OR8B2: variants seen among roughly 807,000 people sequenced by gnomAD.
OR8B2 encodes olfactory receptor family 8 subfamily B member 2.
For synonymous variants in OR8B2, 98 were observed against 138.2 expected (o/e 0.71, Z 2.04); for missense variants, 304 against 379.6 (o/e 0.80, Z 1.65).
At chr11:124,386,617 A>G (rs1261441201), upstream of OR8B2, among the ~76,000 whole-genome samples, 1 of 151,460 alleles carries the variant, frequency 6.6e-6, no homozygotes. Context: ...GTAGTATTCC[A>G]TGGTGTACAC....
chr11:124,385,068 A>C (rs1463390823), upstream of OR8B2, among the ~76,000 whole-genome samples: 1 of 152,186 alleles, frequency 6.6e-6, no homozygotes, highest in African/African-American at 2.4e-5. Context: ...GGATACTTTT[A>C]ATTGATTTCA....
At position 124,382,624 on chromosome 11, in the gene OR8B2, A is replaced by G; in HGVS notation, c.720T>C (p.Thr240=). ...STQGRSKAFS[T]CSSHVIALSL... is the part of the protein sequence containing the mutation. ...ACAGAGCAATGACATGAGAGCTACA[A>G]GTACTGAAGGCTTTTGATCTTCCTT... The change falls in exon 2 of 2, where the codon ACT becomes ACC. Residue 240 remains threonine, a synonymous_variant. Coordinates refer to ENST00000641451, the MANE Select transcript of OR8B2 (RefSeq NM_001005468.2). 6.2e-7 allele frequency: 1 copy of G among 1,612,040 alleles called. No individual in the cohort carries two copies. Among genetic ancestry groups the G allele is most frequent in the Non-Finnish European group, 8.5e-7 (1 of 1,178,932 alleles).
chr11:124,396,977 G>A, the OR8B2 span: 1 of 1,613,556 alleles, frequency 6.2e-7, no homozygotes, highest in Non-Finnish European at 8.5e-7. Flanking sequence ...GATTACAGAT[G>A]GCCACATAGC....
At chr11:124,389,015 G>A (rs1049212910), upstream of OR8B2, among the ~76,000 whole-genome samples, 3 of 151,694 alleles carry the variant, frequency 2.0e-5, no homozygotes, top group Non-Finnish European at 2.9e-5. Context: ...TAGTAGAGAC[G>A]GGGTTTCACC....
At position 124,382,969 on chromosome 11, in the gene OR8B2, G is replaced by A. The variant is rs770149289; in HGVS notation, c.375C>T (p.Ala125=). The change falls in exon 2 of 2, where the codon GCC becomes GCT. Residue 125 remains alanine (A), a synonymous_variant. Transcript: ENST00000641451. ...CCTTATACAGCAATGGATTACAGAT[G>A]GCCACATAGCGATCATATGCCATTG... ...LTSMAYDRYV[A]ICNPLLYKVT... The A allele has an allele frequency of 1.9e-6, 3 of 1,611,562 alleles. No individual in the cohort carries two copies. The highest frequency in any genetic ancestry group is 1.7e-5 in the Admixed American group (1 of 59,870).
chr11:124,392,296 G>T, the OR8B2 span, among the ~76,000 whole-genome samples: 20 of 125,324 alleles, frequency 1.6e-4, no homozygotes, highest in Middle Eastern at 3.8e-3. Flanking sequence ...TAAAGGGTAT[G>T]CAATTAGGAA....
upstream of OR8B2, among the ~76,000 whole-genome samples, chr11:124,386,042 G>A (rs564767885): frequency 2.0e-5 from 3 of 152,226 alleles, no homozygotes; most frequent in South Asian, 2.1e-4. Context: ...TGGAGACTGT[G>A]TGTAAATCAG....
chr11:124,385,588 G>T (rs1418944684), upstream of OR8B2, among the ~76,000 whole-genome samples: 3 of 150,366 alleles, frequency 2.0e-5, no homozygotes, highest in Non-Finnish European at 3.0e-5. Context: ...AAAAACCTAA[G>T]TCAGGATACA....
chr11:124,394,276 TAAATA>T, the OR8B2 span, among the ~76,000 whole-genome samples: 1 of 150,832 alleles, frequency 6.6e-6, no homozygotes, highest in South Asian at 2.1e-4. Flanking sequence ...AATAAATAAA[TAAATA>T]AATAAATAAA....
chr11:124,387,340 A>G (rs1217599845), upstream of OR8B2, among the ~76,000 whole-genome samples: 2 of 152,204 alleles, frequency 1.3e-5, no homozygotes, highest in African/African-American at 2.4e-5. Flanking sequence ...GCCCATGCCT[A>G]TGTCCTGAAT....
chr11:124,389,205 C>T (rs182775893), upstream of OR8B2, among the ~76,000 whole-genome samples: 1 of 152,196 alleles, frequency 6.6e-6, no homozygotes, highest in African/African-American at 2.4e-5. Context: ...TATAAGAAAT[C>T]CAAAACTAAG....
the OR8B2 span, chr11:124,396,278 A>G: frequency 1.2e-6 from 1 of 860,414 alleles, no homozygotes. Context: ...AGATGATTTC[A>G]TAAGAGAAAT....
At chr11:124,388,981 AC>A (rs1290387591), upstream of OR8B2, among the ~76,000 whole-genome samples, 1 of 151,898 alleles carries the variant, frequency 6.6e-6, no homozygotes, top group Non-Finnish European at 1.5e-5. Context: ...GCGTGCCGCC[AC>A]GCCTGGCTAA....
In OR8B2 at chr11:124,382,640, G is replaced by T; in HGVS notation, c.704C>A (p.Ser235Ter). The change falls in exon 2 of 2, where the codon TCA (serine) becomes TAA (stop). Residue 235 changes from serine to a stop codon, truncating the protein, a stop_gained. Transcript: ENST00000641451. LOFTEE classifies it low-confidence loss of function (END_TRUNC). Reference protein sequence around the residue: ...ILHIKSTQGRSKAFSTCSSHV... With the variant: ...ILHIKSTQGR ...AGAGCTACAAGTACTGAAGGCTTTT[G>T]ATCTTCCTTGAGTGGATTTGATATG... The T allele has an allele frequency of 6.2e-7, 1 of 1,611,676 alleles. No individual in the cohort carries two copies. The highest frequency in any genetic ancestry group is 1.7e-5 in the Admixed American group (1 of 59,670).
rs1302576001 is a variant in OR8B2 at position 124,383,441 on chromosome 11, G to A, written c.-17-81C>T. ...CATTAATGAGGAGGGGACTCAGGCT[G>A]TAGGAATTTGGGTGAGTTCTTTGTT... On this transcript the variant is annotated intron_variant, in intron 1 of 1. Transcript: ENST00000641451. 39 of 1,226,868 alleles carry A rather than the reference G, an allele frequency of 3.2e-5. No homozygotes were observed. In the South Asian group the frequency reaches 3.6e-4, roughly 11 times the overall value. The allele number at this position is 1,226,868 out of a possible 1,614,324, so 76.0% of individuals were successfully genotyped here. A position where few individuals can be genotyped will look rare whatever the true frequency, so the allele number is the denominator to read the frequency against.
chr11:124,396,457 C>T, the OR8B2 span: 2 of 1,613,220 alleles, frequency 1.2e-6, no homozygotes, highest in African/African-American at 2.7e-5. Context: ...TTCCTCAGTG[C>T]AACTTTGACA....
the OR8B2 span, among the ~76,000 whole-genome samples, chr11:124,391,348 T>G: frequency 1.2e-4 from 18 of 149,166 alleles, no homozygotes; most frequent in South Asian, 6.3e-4. Context: ...AAAGGATCAA[T>G]AAAATTGATA....
the OR8B2 span, among the ~76,000 whole-genome samples, chr11:124,391,160 C>G: frequency 6.6e-6 from 1 of 151,852 alleles, no homozygotes; most frequent in Non-Finnish European, 1.5e-5. Context: ...TTTTTAAAAT[C>G]AGCTAATAAG....
the OR8B2 span, chr11:124,396,881 C>T: frequency 2.5e-5 from 40 of 1,605,660 alleles, no homozygotes; most frequent in Admixed American, 2.1e-4. Flanking sequence ...CGGTGTGGGC[C>T]GTGGCTCCAG....
Sources: gnomAD v4.1 joint callset for allele counts (sites outside exome capture counted in the v4.1 genomes callset) on GRCh38, gnomAD v4.1.1 for gene constraint, MANE v1.5 for transcripts, NCBI Gene and HGNC (gene_info 2026-07-23, HGNC 2026-07-21) for gene names.